WDR1: variants seen among roughly 807,000 people sequenced by gnomAD.
WDR1 encodes the protein WD repeat domain 1.
WDR1 carries 21 observed loss-of-function variants against 71.9 expected under a neutral mutation model. That is an observed-to-expected ratio of 0.29 (90% CI 0.21 to 0.42). The LOEUF is 0.42. Among genes scored for constraint, WDR1 ranks in the 10% least tolerant of loss-of-function variants. The pLI is 1.00. For missense variants in WDR1, 696 were observed against 824.5 expected (o/e 0.84, Z 1.91); for synonymous variants, 424 against 347.4 (o/e 1.22, Z -2.45).
Position 10,077,800 on chromosome 4 carries a change from C to T in WDR1, c.1522G>A (p.Asp508Asn). 1 of 1,603,930 alleles carries T rather than the reference C, an allele frequency of 6.2e-7. No homozygotes were observed. ...SHDGAFLAVC[D>N]ASKVVTVFSV... ...AACACTGTGACCACCTTGCTGGCGTCGCACACCGCGAGGAAGGCGCCGTCG... is the reference window on the plus strand; with the variant it reads ...AACACTGTGACCACCTTGCTGGCGTTGCACACCGCGAGGAAGGCGCCGTCG... The change falls in exon 13 of 15, where the codon GAC becomes AAC. Residue 508 changes from aspartate to asparagine, a missense_variant. Coordinates refer to ENST00000499869, the MANE Select transcript of WDR1 (RefSeq NM_017491.5).
chr4:10,101,185 A>G (rs1712662687), intron 3 of WDR1, among the ~76,000 whole-genome samples: 2 of 152,184 alleles, frequency 1.3e-5, no homozygotes, highest in African/African-American at 4.8e-5. Context: ...TGCCCCCGAA[A>G]TGACCTGTGC....
intron 2 of WDR1, among the ~76,000 whole-genome samples, chr4:10,104,291 CAGAT>C (rs1181448026): frequency 6.6e-6 from 1 of 152,146 alleles, no homozygotes; most frequent in African/African-American, 2.4e-5. Context: ...ATCAGTGAAA[CAGAT>C]ACACAAAAGG....
At chr4:10,100,827 C>G (rs755833238) in intron 3 of WDR1, among the ~76,000 whole-genome samples, 3 of 152,230 alleles carry the variant, frequency 2.0e-5, no homozygotes, top group African/African-American at 4.8e-5. Flanking sequence ...GAGGGGAGCA[C>G]TGTGTGTGCA....
chr4:10,115,904 G>A (rs1184979419), intron 2 of WDR1: 1 of 621,114 alleles, frequency 1.6e-6, no homozygotes, highest in Non-Finnish European at 2.8e-6. Context: ...CTAAGACTCA[G>A]TTTCCTCATC....
chr4:10,115,941 G>C, intron 2 of WDR1, 172 bp downstream of exon 2: 1 of 805,722 alleles, frequency 1.2e-6, no homozygotes, highest in Non-Finnish European at 1.9e-6. Context: ...GGACCTGGGT[G>C]AATCTGAGGC....
intron 1 of WDR1, 148 bp from the exon 2 acceptor site, chr4:10,116,382 C>A (rs1337372964): frequency 4.1e-6 from 5 of 1,220,470 alleles, no homozygotes; most frequent in Non-Finnish European, 5.7e-6. Flanking sequence ...CGCCAGGAAC[C>A]GCGCGACTTC....
rs773168826 is a variant in WDR1 at position 10,077,328 on chromosome 4, G to A, written c.1690C>T (p.Pro564Ser). Residue 564 changes from proline to serine, a missense_variant, in exon 14 of 15, where the codon CCG becomes TCG. Physicochemically the swap from Pro to Ser is moderately conservative, Grantham distance 74. Transcript: ENST00000499869. ...MMVYVWTLSD[P>S]ETRVKIQDAH... ...CCTTGGATCTTGACTCTGGTTTCCG[G>A]GTCACTCAGGGTCCAAACATACACC... 1.1e-5 allele frequency: 17 copies of A among 1,613,878 alleles called. No homozygotes were observed. Among genetic ancestry groups the A allele is most frequent in the Non-Finnish European group, 1.4e-5 (17 of 1,179,878 alleles).
intron 1 of WDR1, 117 bp from the exon 2 acceptor site, chr4:10,116,351 G>T: frequency 6.9e-7 from 1 of 1,452,882 alleles, no homozygotes. Context: ...CGCCGGGAGG[G>T]CGGCCTCCAC....
At chr4:10,097,680 C>T (rs752073064) in intron 5 of WDR1, 31 bp downstream of exon 5, 2 of 1,595,130 alleles carry the variant, frequency 1.3e-6, no homozygotes, top group Non-Finnish European at 1.7e-6. Context: ...GTACAAACCA[C>T]AAATTTCACC....
intron 13 of WDR1, 106 bp from the exon 14 acceptor site, chr4:10,077,554 C>T: frequency 1.9e-6 from 3 of 1,552,292 alleles, no homozygotes; most frequent in Non-Finnish European, 2.6e-6. Flanking sequence ...CGAGGTTTCT[C>T]ACGCGCTAAC....
rs116406839 is a variant in WDR1 at position 10,100,067 on chromosome 4, C to T, written c.230-928G>A. ...TTCTAGACTAACTCTCAAGGCTTCA[C>T]GCTTTAAAACCTCAGCCCCATCTGC... On this transcript the variant is annotated intron_variant, in intron 3 of 14. Coordinates refer to ENST00000499869, the MANE Select transcript of WDR1 (RefSeq NM_017491.5). Among the ~76,000 whole-genome samples the T allele has an allele frequency of 4.1e-3, 629 of 152,342 alleles. 7 individuals carry two copies. Among genetic ancestry groups the T allele is most frequent in the African/African-American group, 0.014 (589 of 41,560 alleles).
In WDR1 at chr4:10,099,464, T is replaced by G. The variant is rs186084758; in HGVS notation, c.230-325A>C. ...GAAAAAGCCCAGGGACACATCATGG[T>G]AAACTCCAATATGCCAGGAAGTGGT... On this transcript the variant is annotated intron_variant, in intron 3 of 14. Coordinates refer to ENST00000499869, the MANE Select transcript of WDR1 (RefSeq NM_017491.5). Among the ~76,000 whole-genome samples the G allele has an allele frequency of 3.9e-4, 59 of 152,396 alleles. 1 individual carries two copies. The East Asian group carries it at 0.011, about 28-fold the overall frequency.
intron 3 of WDR1, among the ~76,000 whole-genome samples, chr4:10,100,910 C>T (rs1030417992): frequency 1.1e-4 from 17 of 152,236 alleles, no homozygotes; most frequent in African/African-American, 4.1e-4. Context: ...GCACATGTGA[C>T]CACGTGGTCT....
intron 2 of WDR1, among the ~76,000 whole-genome samples, chr4:10,114,880 A>G (rs995847894): frequency 6.6e-6 from 1 of 152,208 alleles, no homozygotes; most frequent in Admixed American, 6.5e-5. Flanking sequence ...CTTCCAGCAG[A>G]GGAACAGCAG....
intron 2 of WDR1, among the ~76,000 whole-genome samples, chr4:10,113,330 C>A (rs1307896124): frequency 6.6e-6 from 1 of 152,200 alleles, no homozygotes; most frequent in African/African-American, 2.4e-5. Context: ...CACCGCACTC[C>A]AGCTTGGGCG....
intron 9 of WDR1, among the ~76,000 whole-genome samples, chr4:10,083,384 T>C (rs765082685): frequency 2.0e-5 from 3 of 152,092 alleles, no homozygotes; most frequent in Non-Finnish European, 4.4e-5. Flanking sequence ...CACACAGGGA[T>C]TGGGATGAGG....
At chr4:10,101,037 G>C (rs892772569) in intron 3 of WDR1, among the ~76,000 whole-genome samples, 11 of 152,264 alleles carry the variant, frequency 7.2e-5, no homozygotes, top group Admixed American at 1.3e-4. Context: ...AGCCTGCCCT[G>C]GGCCTACGTA....
At chr4:10,088,224 T>G in intron 7 of WDR1, 69 bp downstream of exon 7, 1 of 1,416,054 alleles carries the variant, frequency 7.1e-7, no homozygotes, top group South Asian at 1.2e-5. Context: ...CCGGAGTGAG[T>G]GTGGATGGAC....
chr4:10,108,202 CT>C (rs368442300), intron 2 of WDR1: 4 of 152,326 alleles, frequency 2.6e-5, no homozygotes, highest in Non-Finnish European at 5.9e-5. Flanking sequence ...CCCTGAGCCC[CT>C]CAAAGCTCTC....
Sources: gnomAD v4.1 joint callset for allele counts (sites outside exome capture counted in the v4.1 genomes callset) on GRCh38, gnomAD v4.1.1 for gene constraint, MANE v1.5 for transcripts, NCBI Gene and HGNC (gene_info 2026-07-23, HGNC 2026-07-21) for gene names.